TPTE2: variants seen among roughly 807,000 people sequenced by gnomAD.
TPTE2 encodes phosphatidylinositol 3,4,5-trisphosphate 3-phosphatase TPTE2.
In TPTE2, 53 loss-of-function variants were observed where a neutral mutation model predicts 78.6. The observed-to-expected ratio is 0.67, with a 90% CI of 0.54 to 0.85. The LOEUF is 0.85. Among genes scored for constraint, TPTE2 ranks in the 40% least tolerant of loss-of-function variants. The pLI, the probability that TPTE2 is intolerant of heterozygous loss-of-function variation, is 0.00. For missense variants in TPTE2, 461 were observed against 623.0 expected, an observed-to-expected ratio of 0.74 and a Z score of 2.77; for synonymous variants, 175 against 206.2, an observed-to-expected ratio of 0.85 and a Z score of 1.30.
chr13:19,560,377 C>A, the TPTE2 span: 2 of 1,608,104 alleles, frequency 1.2e-6, no homozygotes, highest in Admixed American at 3.3e-5. Flanking sequence ...CCCCAGTTCC[C>A]CCAGGCCAGC....
chr13:19,548,850 G>T, the TPTE2 span, among the ~76,000 whole-genome samples: 3 of 140,320 alleles, frequency 2.1e-5, no homozygotes, highest in African/African-American at 7.5e-5. Context: ...CAGGTGCGGT[G>T]ACTTACTCCT....
At chr13:19,457,021 GTATATGTTCAC>G (rs1333113885) in intron 10 of TPTE2, among the ~76,000 whole-genome samples, 1 of 152,084 alleles carries the variant, frequency 6.6e-6, no homozygotes, top group East Asian at 1.9e-4. Flanking sequence ...AGACCTATAC[GTATATGTTCAC>G]TTTATTTGCA....
chr13:19,439,532 G>A (rs1288264915), intron 13 of TPTE2, among the ~76,000 whole-genome samples: 2 of 152,170 alleles, frequency 1.3e-5, no homozygotes, highest in African/African-American at 2.4e-5. Flanking sequence ...AAGGACCCAT[G>A]CAAGAATTCT....
Position 19,438,136 on chromosome 13 carries a change from C to T in TPTE2, c.991G>A (p.Val331Ile), listed in dbSNP as rs765770454. Residue 331 changes from valine to isoleucine, a missense_variant, in exon 14 of 20, where the codon GTT becomes ATT. Transcript: ENST00000400230. The stretch of plus-strand genomic sequence containing the variant: ...TCGGAGGCAATAAGGAGGGCACAAA[C>T]CATAGTCCCGGTTCTTCCTAGAAAA... The T allele has an allele frequency of 3.4e-5, 54 of 1,609,224 alleles. No individual in the cohort carries two copies. The Admixed American group carries it at 5.4e-4, about 16-fold the overall frequency.
upstream of TPTE2, among the ~76,000 whole-genome samples, chr13:19,507,767 A>G (rs1320721733): frequency 6.6e-6 from 1 of 152,220 alleles, no homozygotes; most frequent in African/African-American, 2.4e-5. Flanking sequence ...TGGCTGACTG[A>G]TTCAAATAAG....
rs182233024 is a variant in TPTE2 at position 19,523,156 on chromosome 13, C to A, written c.-44+13440G>T. ...GAATAAGGCTTTGAATGAGTCCCAACCCCATTTTGTTCCTTTCTATGGCTC... is the reference window on the plus strand; with the variant it reads ...GAATAAGGCTTTGAATGAGTCCCAAACCCATTTTGTTCCTTTCTATGGCTC... On this transcript the variant is annotated intron_variant, in intron 1 of 17. Coordinates refer to the TPTE2 transcript ENST00000390680. 2.9e-3 allele frequency among the ~76,000 whole-genome samples: 449 copies of A among 152,244 alleles called. 10 individuals are homozygous for A. In the South Asian group the frequency reaches 0.045, roughly 15 times the overall value.
At chr13:19,497,909 T>C (rs1180274317) in intron 1 of TPTE2, among the ~76,000 whole-genome samples, 2 of 151,242 alleles carry the variant, frequency 1.3e-5, no homozygotes, top group Admixed American at 6.6e-5. Context: ...TGAAAAAAAT[T>C]TAGAAGAAGG....
intron 3 of TPTE2, among the ~76,000 whole-genome samples, chr13:19,489,342 A>C (rs947496460): frequency 6.6e-6 from 1 of 152,100 alleles, no homozygotes; most frequent in African/African-American, 2.4e-5. Flanking sequence ...CAGTTTATAA[A>C]AAAGTAATAT....
intron 1 of TPTE2, among the ~76,000 whole-genome samples, chr13:19,531,350 C>T (rs1430563535): frequency 2.0e-5 from 3 of 151,918 alleles, no homozygotes; most frequent in Non-Finnish European, 4.4e-5. Flanking sequence ...TATTAAGTTT[C>T]CTCGTATTAA....
the TPTE2 span, among the ~76,000 whole-genome samples, chr13:19,559,694 C>T: frequency 6.7e-6 from 1 of 149,532 alleles, no homozygotes; most frequent in East Asian, 2.0e-4. Flanking sequence ...CCCCTTCCCT[C>T]CCTGAGATAG....
At chr13:19,482,793 C>T (rs1880436772) in intron 3 of TPTE2, among the ~76,000 whole-genome samples, 1 of 150,920 alleles carries the variant, frequency 6.6e-6, no homozygotes, top group Admixed American at 6.6e-5. Flanking sequence ...CTCTCTGTCC[C>T]TTTCTATATA....
chr13:19,497,001 C>CA (rs1386605882), intron 1 of TPTE2, among the ~76,000 whole-genome samples: 33 of 152,298 alleles, frequency 2.2e-4, no homozygotes, highest in African/African-American at 7.0e-4. Flanking sequence ...TGCAAGGGGT[C>CA]AGGGAGTTCC....
intron 15 of TPTE2, among the ~76,000 whole-genome samples, chr13:19,434,463 T>C (rs1188779105): frequency 6.6e-6 from 1 of 152,134 alleles, no homozygotes; most frequent in Admixed American, 6.5e-5. Context: ...GGTTGAAACG[T>C]TTAGTTTATT....
At chr13:19,448,676 TGAAGA>T (rs140011100) in intron 13 of TPTE2, among the ~76,000 whole-genome samples, 111,081 of 151,490 alleles carry the variant, frequency 0.73, 43,595 homozygotes, top group East Asian at 0.96. Flanking sequence ...TTGGTGAGGA[TGAAGA>T]GAAAAGGGAC....
chr13:19,461,131 T>C (rs1878861105), intron 10 of TPTE2, among the ~76,000 whole-genome samples: 2 of 152,092 alleles, frequency 1.3e-5, no homozygotes, highest in South Asian at 2.1e-4. Flanking sequence ...AGGATTTGCA[T>C]TGTTTTGTTG....
In TPTE2 at chr13:19,500,679, C is replaced by T. The variant is rs574532458; in HGVS notation, c.11+2545G>A. ...AATAATAAGAGCTATTTATGACAAA[C>T]CCACAGCCAATATCATACTGAATGG... On this transcript the variant is annotated intron_variant, in intron 1 of 19. Coordinates refer to ENST00000400230, the Ensembl canonical transcript of TPTE2. Among the ~76,000 whole-genome samples, 5 of 151,764 alleles carry T rather than the reference C, an allele frequency of 3.3e-5. No individual in the cohort carries two copies. In the East Asian group the frequency reaches 7.7e-4, roughly 24 times the overall value.
At chr13:19,427,039 G>T (rs1282181762) in intron 17 of TPTE2, among the ~76,000 whole-genome samples, 1 of 143,326 alleles carries the variant, frequency 7.0e-6, no homozygotes, top group Admixed American at 7.0e-5. Flanking sequence ...ACATGTTTAG[G>T]GTTATCATGA....
At chr13:19,438,256 A>G in intron 13 of TPTE2, 103 bp from the exon 17 acceptor site, 1 of 1,451,616 alleles carries the variant, frequency 6.9e-7, no homozygotes, top group Non-Finnish European at 9.2e-7. Flanking sequence ...CTTTTTTTTG[A>G]GACAGGGTCT....
chr13:19,526,852 T>C (rs1450039803), intron 1 of TPTE2, among the ~76,000 whole-genome samples: 1 of 151,948 alleles, frequency 6.6e-6, no homozygotes. Flanking sequence ...ATCAAAATGG[T>C]TAATATTGAT....
Sources: allele counts gnomAD v4.1 joint callset (sites outside exome capture counted in the v4.1 genomes callset), GRCh38; gene constraint gnomAD v4.1.1; transcripts MANE v1.5; gene names NCBI Gene and HGNC (gene_info 2026-07-23, HGNC 2026-07-21).